MS4A12: variants seen among roughly 807,000 people sequenced by gnomAD.
The protein encoded by MS4A12 is membrane spanning 4-domains A12, also known as membrane-spanning 4-domains subfamily A member 12.
A neutral mutation model predicts 23.7 loss-of-function variants in MS4A12; 28 were observed. That is an observed-to-expected ratio of 1.18 (90% CI 0.88 to 1.62). The LOEUF is 1.62. Ranked by LOEUF, MS4A12 falls within the 40% of genes most tolerant of loss-of-function variation. The pLI is 0.00. For synonymous variants in MS4A12, 108 were observed against 110.1 expected (o/e 0.98, Z 0.12); for missense variants, 342 against 327.0 (o/e 1.05, Z -0.35).
Position 60,506,233 on chromosome 11 carries a change from C to A in MS4A12, c.589-495C>A, listed in dbSNP as rs1590864343. Among the ~76,000 whole-genome samples, 2 of 152,310 alleles carry A rather than the reference C, an allele frequency of 1.3e-5. 1 individual carries two copies. Among genetic ancestry groups the A allele is most frequent in the South Asian group, 4.2e-4 (2 of 4,818 alleles). On this transcript the variant is annotated intron_variant, in intron 5 of 6. Transcript: ENST00000016913. ...AAAATAGAAATAACATGATTCCATT[C>A]TTATAGAATGATGCTCCTCTCTCTT...
intron 3 of MS4A12, among the ~76,000 whole-genome samples, chr11:60,501,577 A>G (rs1565204723): frequency 6.6e-6 from 1 of 152,174 alleles, no homozygotes; most frequent in Non-Finnish European, 1.5e-5. Flanking sequence ...AGCCAGGCAT[A>G]GTGGTGTGTG....
At chr11:60,506,425 T>A (rs1442176020) in intron 5 of MS4A12, among the ~76,000 whole-genome samples, 1 of 152,204 alleles carries the variant, frequency 6.6e-6, no homozygotes. Flanking sequence ...TTGACTTTTT[T>A]AATGAGTAGT....
intron 5 of MS4A12, 40 bp downstream of exon 5, chr11:60,503,857 C>T (rs1321135866): frequency 2.6e-6 from 4 of 1,541,450 alleles, no homozygotes; most frequent in Non-Finnish European, 3.6e-6. Flanking sequence ...GCTCTATTTT[C>T]AGTCCCGTAA....
chr11:60,506,304 T>C (rs922332138), intron 5 of MS4A12, among the ~76,000 whole-genome samples: 2 of 152,214 alleles, frequency 1.3e-5, no homozygotes, highest in Non-Finnish European at 2.9e-5. Flanking sequence ...CACACATCCA[T>C]TCTTCTGCCT....
In MS4A12 at chr11:60,507,069, C is replaced by A. The variant is rs748252951; in HGVS notation, c.749C>A (p.Ala250Glu). The A allele has an allele frequency of 1.9e-6, 3 of 1,614,038 alleles. No homozygotes were observed. The highest frequency in any genetic ancestry group is 1.3e-5 in the African/African-American group (1 of 75,040). Reference sequence around the variant, plus strand: ...TATGAAAGCAACCCTGTGACACCAGCGTCTTCTTCAGCTCCTCCCAGATGC... The same window carrying A: ...TATGAAAGCAACCCTGTGACACCAGAGTCTTCTTCAGCTCCTCCCAGATGC... ...NMYESNPVTP[A>E]SSSAPPRCNN... Residue 250 changes from alanine to glutamate, a missense_variant, in exon 7 of 7, where the codon GCG becomes GAG. Ala to Glu is a moderately radical substitution (Grantham distance 107, BLOSUM62 -1). Transcript: ENST00000016913.
At chr11:60,504,444 T>C (rs1466879860) in intron 5 of MS4A12, among the ~76,000 whole-genome samples, 3 of 152,216 alleles carry the variant, frequency 2.0e-5, no homozygotes, top group African/African-American at 4.8e-5. Context: ...GCTGTCATCC[T>C]ACCTCAATGG....
At chr11:60,493,464 C>A (rs948370745) in intron 1 of MS4A12, among the ~76,000 whole-genome samples, 2 of 151,158 alleles carry the variant, frequency 1.3e-5, no homozygotes, top group African/African-American at 4.9e-5. Flanking sequence ...CCCAAAAGGA[C>A]GAGGCCATGC....
intron 1 of MS4A12, among the ~76,000 whole-genome samples, chr11:60,493,392 A>T (rs2086464050): frequency 7.7e-6 from 1 of 130,596 alleles, no homozygotes; most frequent in Non-Finnish European, 1.7e-5. Context: ...AAAAAAAAAA[A>T]AAAGCTAATG....
At chr11:60,494,260 T>C (rs147080536) in intron 1 of MS4A12, among the ~76,000 whole-genome samples, 205 of 152,306 alleles carry the variant, frequency 1.3e-3, no homozygotes, top group Non-Finnish European at 2.4e-3. Context: ...GGGTTCTATG[T>C]GAAATTTACA....
rs542431954 is a variant in MS4A12 at position 60,507,342 on chromosome 11, A to G, written c.*218A>G. The G allele has an allele frequency of 4.9e-5, 24 of 494,410 alleles. No individual in the cohort carries two copies. The East Asian group carries it at 6.8e-4, about 14-fold the overall frequency. The allele number at this position is 494,410 out of a possible 1,614,324, so 30.6% of individuals were successfully genotyped here. ...GCTGGCAAAGGTGAAGGATCAGAGG[A>G]CTGAAAAATGATTCTGCAACTCTCT... On this transcript the variant is annotated 3_prime_UTR_variant, in exon 7 of 7. Transcript: ENST00000016913.
intron 4 of MS4A12, 143 bp from the exon 5 acceptor site, chr11:60,503,558 A>T: frequency 4.6e-6 from 3 of 648,914 alleles, no homozygotes; most frequent in Admixed American, 3.1e-5. Flanking sequence ...AATTACCCAG[A>T]AGGGCAGAAA....
At chr11:60,500,372 C>G (rs2086521716) in intron 2 of MS4A12, among the ~76,000 whole-genome samples, 1 of 151,872 alleles carries the variant, frequency 6.6e-6, no homozygotes, top group Non-Finnish European at 1.5e-5. Context: ...TTGGTGTAAT[C>G]AAGAAGACTT....
intron 6 of MS4A12, 75 bp from the exon 7 acceptor site, chr11:60,506,945 T>C: frequency 6.6e-7 from 1 of 1,525,538 alleles, no homozygotes; most frequent in Admixed American, 1.7e-5. Flanking sequence ...TCTTTGTCCT[T>C]CACTCTGATG....
In MS4A12 at chr11:60,501,105, T is replaced by G; in HGVS notation, c.337T>G (p.Ser113Ala). ...TTTTGGAATTGTTTTGTGTTTAATA[T>G]CCTTCTCTTTTAGAGAAGTATTAGG... ...IGFGIVLCLI[S>A]FSFREVLGFA... The change falls in exon 3 of 7, where the codon TCC (serine) becomes GCC (alanine). Residue 113 changes from serine (S) to alanine (A), a missense_variant. Physicochemically the swap from Ser to Ala is moderately conservative, Grantham distance 99 (BLOSUM62 1). Coordinates refer to ENST00000016913, the MANE Select transcript of MS4A12 (RefSeq NM_017716.3). 6.2e-7 allele frequency: 1 copy of G among 1,613,816 alleles called. No individual in the cohort carries two copies. Among genetic ancestry groups the G allele is most frequent in the South Asian group, 1.1e-5 (1 of 91,014 alleles).
intron 3 of MS4A12, among the ~76,000 whole-genome samples, chr11:60,501,427 C>T (rs80178357): frequency 0.013 from 2,022 of 152,202 alleles, 42 homozygotes; most frequent in African/African-American, 0.045. Flanking sequence ...GGAGCTTATT[C>T]CATTCTTTAA....
At chr11:60,503,411 G>GA (rs1174699782) in intron 4 of MS4A12, among the ~76,000 whole-genome samples, 2 of 152,060 alleles carry the variant, frequency 1.3e-5, no homozygotes, top group Admixed American at 1.3e-4. Flanking sequence ...TTTTTATAAA[G>GA]AAAATATAGT....
At chr11:60,496,687 A>G (rs1442127815) in intron 1 of MS4A12, among the ~76,000 whole-genome samples, 2 of 152,194 alleles carry the variant, frequency 1.3e-5, no homozygotes, top group East Asian at 3.8e-4. Context: ...TTAAAACAAT[A>G]TAATTTTTTT....
chr11:60,502,511 G>T (rs1240611791), intron 4 of MS4A12, among the ~76,000 whole-genome samples: 1 of 152,080 alleles, frequency 6.6e-6, no homozygotes, highest in Non-Finnish European at 1.5e-5. Context: ...TCTTTAAATT[G>T]CCATTAAATG....
At position 60,502,007 on chromosome 11, in the gene MS4A12, G is replaced by A. The variant is rs370194824; in HGVS notation, c.439G>A (p.Val147Met). Residue 147 changes from valine to methionine, a missense_variant, in exon 4 of 7, where the codon GTG (valine) becomes ATG (methionine). Physicochemically the swap from Val to Met is conservative, Grantham distance 21 (BLOSUM62 1). Transcript: ENST00000016913. Reference sequence around the variant, plus strand: ...GTTTATTATCTCTGGCTCTCTCTCTGTGTCAGCATCCAAGGAGCTTTCCCG... The same window carrying A: ...GTTTATTATCTCTGGCTCTCTCTCTATGTCAGCATCCAAGGAGCTTTCCCG... Reference protein sequence around the residue: ...LSFIISGSLSVSASKELSRCL... With the variant: ...LSFIISGSLSMSASKELSRCL... 1 of 1,613,098 alleles carries A rather than the reference G, an allele frequency of 6.2e-7. No homozygotes were observed. Among genetic ancestry groups the A allele is most frequent in the African/African-American group, 1.3e-5 (1 of 74,902 alleles).
Sources: gnomAD v4.1 joint callset for allele counts (sites outside exome capture counted in the v4.1 genomes callset) on GRCh38, gnomAD v4.1.1 for gene constraint, MANE v1.5 for transcripts, NCBI Gene and HGNC (gene_info 2026-07-23, HGNC 2026-07-21) for gene names.